The following RAP2C variants were observed in gnomAD, a reference collection of about 807,000 sequenced individuals.
RAP2C encodes ras-related protein Rap-2c.
A neutral mutation model predicts 8.9 loss-of-function variants in RAP2C; 3 were observed. The ratio of observed to expected loss-of-function variants is 0.34; its 90% CI spans 0.15 to 0.87. RAP2C has a LOEUF of 0.87. Among genes scored for constraint, RAP2C ranks in the 40% least tolerant of loss-of-function variants. The probability of loss-of-function intolerance (pLI) is 0.51; values close to 1 mark genes in which losing one functional copy is unlikely to be tolerated. For synonymous variants in RAP2C, 60 were observed against 52.1 expected, an observed-to-expected ratio of 1.15 and a Z score of -0.65; for missense variants, 76 against 133.7, an observed-to-expected ratio of 0.57 and a Z score of 2.13.
intron 5 of RAP2C, among the ~76,000 whole-genome samples, chrX:132,213,833 G>C (rs1032974361): frequency 8.9e-6 from 1 of 111,970 alleles, no homozygotes; most frequent in Non-Finnish European, 1.9e-5. Context: ...CAGGGAAAAA[G>C]TGTATTATGG....
At chrX:132,206,560 A>G (rs1930283138) in intron 5 of RAP2C, among the ~76,000 whole-genome samples, 1 of 112,606 alleles carries the variant, frequency 8.9e-6, no homozygotes, top group East Asian at 2.8e-4. Context: ...ATAAAGCCAG[A>G]AACAAAAGTA....
chrX:132,217,512 G>C lies in RAP2C; in HGVS notation c.-244C>G. ...CTATAGGAACTGCAGCCCGAGCAGG[G>C]GGCGTGGGGAGGAGGGCGAGCCTGG... On this transcript the variant is annotated 5_prime_UTR_variant, in exon 4 of 6. Coordinates refer to ENST00000370874, the MANE Select transcript of RAP2C (RefSeq NM_001271186.2). 3.7e-6 allele frequency: 1 copy of C among 271,751 alleles called. No individual in the cohort carries two copies. The highest frequency in any genetic ancestry group is 6.5e-6 in the Non-Finnish European group (1 of 153,150). 22.4% of individuals were successfully genotyped at this position (271,751 alleles called of 1,213,427 possible).
chrX:132,214,761 C>T (rs1930525426), intron 4 of RAP2C, among the ~76,000 whole-genome samples: 1 of 111,437 alleles, frequency 9.0e-6, no homozygotes, highest in South Asian at 3.7e-4. Flanking sequence ...ATGATTAATC[C>T]ATTCGTACAT....
At chrX:132,216,179 T>C (rs1930574136) in intron 4 of RAP2C, among the ~76,000 whole-genome samples, 1 of 112,042 alleles carries the variant, frequency 8.9e-6, no homozygotes, top group Admixed American at 9.4e-5. Flanking sequence ...TTCAGTCTGT[T>C]TCCCAGTGAA....
chrX:132,203,349 T>C lies in RAP2C; in HGVS notation c.*2273A>G, dbSNP rs750763707. The C allele has an allele frequency of 2.7e-5, 3 of 111,691 alleles. No homozygotes were observed. The highest frequency in any genetic ancestry group is 5.7e-5 in the Non-Finnish European group (3 of 53,057). 9.2% of individuals were successfully genotyped at this position (111,691 alleles called of 1,213,427 possible). ...TAATTTATTATCCTAATAAGCAACATGCAATCTATTGAGGAAGCTAAAATA... is the reference window on the plus strand; with the variant it reads ...TAATTTATTATCCTAATAAGCAACACGCAATCTATTGAGGAAGCTAAAATA... On this transcript the variant is annotated 3_prime_UTR_variant, in exon 6 of 6. Coordinates refer to ENST00000370874, the MANE Select transcript of RAP2C (RefSeq NM_001271186.2).
chrX:132,208,358 A>C (rs1029613487), intron 5 of RAP2C, among the ~76,000 whole-genome samples: 26 of 110,912 alleles, frequency 2.3e-4, no homozygotes, highest in Non-Finnish European at 4.3e-4. Context: ...TGTAATCATA[A>C]TCACTTTTAA....
intron 5 of RAP2C, among the ~76,000 whole-genome samples, chrX:132,212,800 A>G (rs750188517): frequency 7.1e-5 from 8 of 112,322 alleles, no homozygotes; most frequent in Non-Finnish European, 1.3e-4. Flanking sequence ...TACTGCAAGT[A>G]CAATGCTATC....
chrX:132,219,082 A>G, intron 1 of RAP2C, among the ~76,000 whole-genome samples: 1 of 111,914 alleles, frequency 8.9e-6, no homozygotes, highest in Middle Eastern at 4.6e-3. Flanking sequence ...CTAGCTTTCT[A>G]TTTGTAAACT....
chrX:132,203,661 C>T lies in RAP2C; in HGVS notation c.*1961G>A, dbSNP rs1434066385. On this transcript the variant is annotated 3_prime_UTR_variant, in exon 6 of 6. Coordinates refer to ENST00000370874, the MANE Select transcript of RAP2C (RefSeq NM_001271186.2). ...ATTATTTGATTCCTTTAGAATTTCA[C>T]AAAGCCACAAAGCTAATAACAATGA... 8.9e-6 allele frequency: 1 copy of T among 111,853 alleles called. No homozygotes were observed. Among genetic ancestry groups the T allele is most frequent in the African/African-American group, 3.3e-5 (1 of 30,708 alleles). The allele number at this position is 111,853 out of a possible 1,213,427, so 9.2% of individuals were successfully genotyped here.
rs1301246233 is a variant in RAP2C at position 132,217,618 on chromosome X, C to G, written c.-350G>C. ...GGGCTGCGGCGAGGGGACCCTGCGGCGAGGCGGACGTCGGAGGAGCCCGCA... is the reference window on the plus strand; with the variant it reads ...GGGCTGCGGCGAGGGGACCCTGCGGGGAGGCGGACGTCGGAGGAGCCCGCA... On this transcript the variant is annotated 5_prime_UTR_variant, in exon 4 of 6. Coordinates refer to ENST00000370874, the MANE Select transcript of RAP2C (RefSeq NM_001271186.2). The G allele has an allele frequency of 6.3e-6, 1 of 158,005 alleles. No homozygotes were observed. Among genetic ancestry groups the G allele is most frequent in the Non-Finnish European group, 1.2e-5 (1 of 82,684 alleles). The allele number at this position is 158,005 out of a possible 1,213,427, so 13.0% of individuals were successfully genotyped here. A position where few individuals can be genotyped will look rare whatever the true frequency, so the allele number is the denominator to read the frequency against.
rs532341142 is a variant in RAP2C at position 132,216,122 on chromosome X, G to A, written c.273+874C>T. Among the ~76,000 whole-genome samples the A allele has an allele frequency of 1.6e-4, 18 of 112,002 alleles. No homozygotes were observed. In the South Asian group the frequency reaches 6.2e-3, roughly 39 times the overall value. On this transcript the variant is annotated intron_variant, in intron 4 of 5. Coordinates refer to ENST00000370874, the MANE Select transcript of RAP2C (RefSeq NM_001271186.2). ...TCAATATGAGGTTATTCATTTTCAA[G>A]GGATAAATAGAAACATACATTGCAT...
At chrX:132,215,440 G>A (rs1295920297) in intron 4 of RAP2C, among the ~76,000 whole-genome samples, 1 of 111,524 alleles carries the variant, frequency 9.0e-6, no homozygotes, top group Non-Finnish European at 1.9e-5. Context: ...TAAAAATATA[G>A]TTATTTGATA....
At chrX:132,209,682 T>G (rs1350407701) in intron 5 of RAP2C, among the ~76,000 whole-genome samples, 1 of 112,162 alleles carries the variant, frequency 8.9e-6, no homozygotes, top group Non-Finnish European at 1.9e-5. Flanking sequence ...TAGTTCATTC[T>G]AAGCCAGAGA....
chrX:132,214,463 A>G lies in RAP2C; in HGVS notation c.274-17T>C. On this transcript the variant is annotated splice_polypyrimidine_tract_variant and intron_variant, in intron 4 of 5. Transcript: ENST00000370874. The stretch of plus-strand genomic sequence containing the variant: ...CTTGATATCCTATTCAAGCAATCAC[A>G]AAGAGAAAGAAAAACATTATGCTGT... 8.4e-7 allele frequency: 1 copy of G among 1,188,967 alleles called. No individual in the cohort carries two copies. Among genetic ancestry groups the G allele is most frequent in the Non-Finnish European group, 1.1e-6 (1 of 883,431 alleles).
At chrX:132,216,336 C>A (rs1930579525) in intron 4 of RAP2C, among the ~76,000 whole-genome samples, 1 of 111,620 alleles carries the variant, frequency 9.0e-6, no homozygotes, top group Non-Finnish European at 1.9e-5. Flanking sequence ...GGATCAACTG[C>A]AGAAAAAGAG....
rs10617253 is a variant in RAP2C at position 132,203,506 on chromosome X, TGAGAGAGAGAGAGAGA to T, written c.*2100_*2115del. ...TCAATGACAATGAACACTGTAATTTTGAGAGAGAGAGAGAGAGAGAGAGAGAGAGAGAGAGAGAGAG... is the reference window on the plus strand; with the variant it reads ...TCAATGACAATGAACACTGTAATTTTGAGAGAGAGAGAGAGAGAGAGAGAG... On this transcript the variant is annotated 3_prime_UTR_variant, in exon 6 of 6. Transcript: ENST00000370874. 1,919 of 60,408 alleles carry T rather than the reference TGAGAGAGAGAGAGAGA, an allele frequency of 0.032. 55 individuals are homozygous for T. The highest frequency in any genetic ancestry group is 0.077 in the Middle Eastern group (8 of 104). The allele number at this position is 60,408 out of a possible 1,213,427, so 5.0% of individuals were successfully genotyped here.
chrX:132,205,913 C>G (rs1171356255), intron 5 of RAP2C, among the ~76,000 whole-genome samples: 1 of 111,756 alleles, frequency 8.9e-6, no homozygotes, highest in Non-Finnish European at 1.9e-5. Flanking sequence ...AATGATCTTA[C>G]AGTATAAAAG....
intron 4 of RAP2C, among the ~76,000 whole-genome samples, chrX:132,215,118 T>C (rs1930537991): frequency 9.1e-6 from 1 of 109,908 alleles, no homozygotes; most frequent in Admixed American, 9.7e-5. Context: ...AGAAGTCATT[T>C]TTTTTTTTTT....
Position 132,204,492 on chromosome X carries a change from G to A in RAP2C, c.*1130C>T, listed in dbSNP as rs896483683. 3.6e-5 allele frequency: 4 copies of A among 112,145 alleles called. No homozygotes were observed. Among genetic ancestry groups the A allele is most frequent in the African/African-American group, 1.3e-4 (4 of 30,774 alleles). The allele number at this position is 112,145 out of a possible 1,213,427, so 9.2% of individuals were successfully genotyped here. On this transcript the variant is annotated 3_prime_UTR_variant, in exon 6 of 6. Coordinates refer to ENST00000370874, the MANE Select transcript of RAP2C (RefSeq NM_001271186.2). ...ATTTGCAAAAATAAAAAATAGCCCA[G>A]AGACTTGGCGCTATTCTCCCTCCTG...
Sources: gnomAD v4.1 joint callset for allele counts (sites outside exome capture counted in the v4.1 genomes callset) on GRCh38, gnomAD v4.1.1 for gene constraint, MANE v1.5 for transcripts, NCBI Gene and HGNC (gene_info 2026-07-23, HGNC 2026-07-21) for gene names.